The following ME3 variants were observed in gnomAD, a reference collection of about 807,000 sequenced individuals.
The protein encoded by ME3 is NADP-dependent malic enzyme, mitochondrial.
A neutral mutation model predicts 68.9 loss-of-function variants in ME3; 48 were observed. That is an observed-to-expected ratio of 0.70 (90% CI 0.55 to 0.89). ME3 has a LOEUF of 0.89. ME3 is among the 40% of genes least tolerant of loss of function. ME3 has a pLI of 0.00. For synonymous variants in ME3, 320 were observed against 318.8 expected (o/e 1.00, Z -0.04); for missense variants, 675 against 797.4 (o/e 0.85, Z 1.85).
rs1005143187 is a variant in ME3, at chr11:86,462,746, C to A, written c.919+2345G>T. ...GCTTATTATCTTCTGGGAAGGCAGA[C>A]AATGCAATACAGGCTTTTGGGGTAC... On this transcript the variant is annotated intron_variant, in intron 8 of 14. Transcript: ENST00000543262. 38 of 492,370 alleles carry A rather than the reference C, an allele frequency of 7.7e-5. No individual in the cohort carries two copies. In the Admixed American group the frequency reaches 8.7e-4, roughly 11 times the overall value. 30.5% of individuals were successfully genotyped at this position (492,370 alleles called of 1,614,324 possible).
intron 2 of ME3, among the ~76,000 whole-genome samples, chr11:86,614,521 G>T (rs1942817640): frequency 6.6e-6 from 1 of 152,106 alleles, no homozygotes; most frequent in Non-Finnish European, 1.5e-5. Flanking sequence ...GGCTCTCAAT[G>T]GATCAAACAG....
intron 4 of ME3, among the ~76,000 whole-genome samples, chr11:86,510,366 T>C (rs1326191103): frequency 1.3e-5 from 2 of 152,202 alleles, no homozygotes; most frequent in Non-Finnish European, 2.9e-5. Flanking sequence ...CTTTGAGTTT[T>C]CCTCCTACTT....
chr11:86,637,343 G>C (rs1036490360), intron 2 of ME3, among the ~76,000 whole-genome samples: 1 of 71,278 alleles, frequency 1.4e-5, no homozygotes, highest in Non-Finnish European at 2.8e-5. Context: ...ACAACAACAA[G>C]AAGCACAAAA....
chr11:86,547,378 G>A (rs1345638892), intron 4 of ME3, among the ~76,000 whole-genome samples: 3 of 149,858 alleles, frequency 2.0e-5, no homozygotes, highest in African/African-American at 7.4e-5. Flanking sequence ...ACTAACACAG[G>A]AACAGAAAAC....
rs138898456 is a variant in ME3, at chr11:86,585,016, G to A, written c.184-25193C>T. The stretch of plus-strand genomic sequence containing the variant: ...TCTTCAAACATAACAACAAAAAAGA[G>A]TTAATTAGGCCAAGTGGTGGTGCTC... On this transcript the variant is annotated intron_variant, in intron 2 of 14. Coordinates refer to ENST00000543262, the Ensembl canonical transcript of ME3. Among the ~76,000 whole-genome samples the A allele has an allele frequency of 3.4e-3, 520 of 152,278 alleles. 2 individuals are homozygous for A. The highest frequency in any genetic ancestry group is 3.5e-3 in the Non-Finnish European group (237 of 68,010).
intron 7 of ME3, among the ~76,000 whole-genome samples, chr11:86,472,524 T>G (rs1471198493): frequency 1.3e-5 from 2 of 152,112 alleles, no homozygotes; most frequent in African/African-American, 4.8e-5. Flanking sequence ...GTAAAATATG[T>G]TAAGGAAGTG....
At chr11:86,592,205 G>T (rs560503939) in intron 2 of ME3, among the ~76,000 whole-genome samples, 2 of 152,234 alleles carry the variant, frequency 1.3e-5, no homozygotes, top group Admixed American at 6.5e-5. Context: ...CAGGTGTGTT[G>T]GGAATTCAAT....
intron 7 of ME3, among the ~76,000 whole-genome samples, chr11:86,473,314 C>G (rs1950885232): frequency 6.6e-6 from 1 of 152,144 alleles, no homozygotes; most frequent in South Asian, 2.1e-4. Context: ...TTTAGAGGAT[C>G]ACTGGTGACC....
At chr11:86,656,998 G>C (rs1416392058) in intron 2 of ME3, among the ~76,000 whole-genome samples, 1 of 152,202 alleles carries the variant, frequency 6.6e-6, no homozygotes, top group Non-Finnish European at 1.5e-5. Context: ...GGAGAAATAG[G>C]AACGCTTTTA....
chr11:86,569,905 A>C (rs960797424), intron 2 of ME3, among the ~76,000 whole-genome samples: 3 of 152,214 alleles, frequency 2.0e-5, no homozygotes, highest in African/African-American at 7.2e-5. Flanking sequence ...CAGCTTCAAG[A>C]CTTGAAAGAT....
chr11:86,527,480 G>A (rs1464805721), intron 4 of ME3, among the ~76,000 whole-genome samples: 1 of 152,174 alleles, frequency 6.6e-6, no homozygotes, highest in Non-Finnish European at 1.5e-5. Context: ...ATCTAGTCAG[G>A]AAGGTCAACA....
At chr11:86,666,312 A>C (rs918056536) in intron 2 of ME3, among the ~76,000 whole-genome samples, 1 of 152,178 alleles carries the variant, frequency 6.6e-6, no homozygotes, top group Non-Finnish European at 1.5e-5. Flanking sequence ...CAGAGGTAAG[A>C]CCTGTCATCC....
At chr11:86,543,304 A>G (rs991693153) in intron 4 of ME3, among the ~76,000 whole-genome samples, 2 of 152,258 alleles carry the variant, frequency 1.3e-5, no homozygotes, top group African/African-American at 4.8e-5. Flanking sequence ...ACACATAACC[A>G]TATTAATCTT....
intron 5 of ME3, among the ~76,000 whole-genome samples, chr11:86,501,502 C>G (rs1474877440): frequency 6.6e-6 from 1 of 152,190 alleles, no homozygotes; most frequent in Non-Finnish European, 1.5e-5. Flanking sequence ...ATGGCTTTAA[C>G]CTTGGCATCC....
In ME3 at chr11:86,563,519, C is replaced by T. The variant is rs369775677; in HGVS notation, c.184-3696G>A. ...TTTGGGGACTTAGTCAAACATTCTT[C>T]GCCAAAGTTGATGTTGAAAAGAGTA... On this transcript the variant is annotated intron_variant, in intron 2 of 14. Transcript: ENST00000543262. Among the ~76,000 whole-genome samples the T allele has an allele frequency of 7.2e-4, 110 of 152,128 alleles. 3 individuals carry two copies. The South Asian group carries it at 0.018, about 25-fold the overall frequency.
At chr11:86,550,290 T>C (rs929899149) in intron 4 of ME3, among the ~76,000 whole-genome samples, 2 of 152,136 alleles carry the variant, frequency 1.3e-5, no homozygotes, top group Admixed American at 6.5e-5. Context: ...GGTTACTAGA[T>C]CATAAAATGT....
chr11:86,524,839 C>T (rs982457170), intron 4 of ME3, among the ~76,000 whole-genome samples: 1 of 152,160 alleles, frequency 6.6e-6, no homozygotes, highest in Non-Finnish European at 1.5e-5. Flanking sequence ...AAGGATTACT[C>T]ATCAGATGCA....
intron 4 of ME3, among the ~76,000 whole-genome samples, chr11:86,545,982 CA>C (rs1956337716): frequency 6.6e-6 from 1 of 152,258 alleles, no homozygotes; most frequent in Admixed American, 6.5e-5. Context: ...ACCAATGGAA[CA>C]GAACAGAGGC....
intron 5 of ME3, among the ~76,000 whole-genome samples, chr11:86,508,552 A>G (rs780627414): frequency 6.6e-6 from 1 of 152,214 alleles, no homozygotes; most frequent in Non-Finnish European, 1.5e-5. Context: ...CATGCTGAAC[A>G]TATCTTCAGA....
Sources: gnomAD v4.1 joint callset for allele counts (sites outside exome capture counted in the v4.1 genomes callset) on GRCh38, gnomAD v4.1.1 for gene constraint, MANE v1.5 for transcripts, NCBI Gene and HGNC (gene_info 2026-07-23, HGNC 2026-07-21) for gene names.